Variants in CDKAL1 observed in about 807,000 individuals in gnomAD.
CDKAL1 encodes threonylcarbamoyladenosine tRNA methylthiotransferase.
A neutral mutation model predicts 68.2 loss-of-function variants in CDKAL1; 32 were observed. The ratio of observed to expected loss-of-function variants is 0.47; its 90% CI spans 0.35 to 0.63. The LOEUF is 0.63. Among genes scored for constraint, CDKAL1 ranks in the 30% least tolerant of loss-of-function variants. The pLI is 0.00. For missense variants in CDKAL1, 606 were observed against 696.7 expected (o/e 0.87, Z 1.47); for synonymous variants, 234 against 244.3 (o/e 0.96, Z 0.39).
rs71559677 is a variant in CDKAL1, at chr6:20,613,249, C to CTTTTTTTTTTTTTT, written c.287-36014_287-36001dup. 2.4e-4 allele frequency among the ~76,000 whole-genome samples: 19 copies of CTTTTTTTTTTTTTT among 77,864 alleles called. 3 individuals are homozygous for CTTTTTTTTTTTTTT. Among genetic ancestry groups the CTTTTTTTTTTTTTT allele is most frequent in the South Asian group, 8.4e-4 (2 of 2,390 alleles). 51.1% of individuals were successfully genotyped at this position (77,864 alleles called of 152,430 possible). A position where few individuals can be genotyped will look rare whatever the true frequency, so the allele number is the denominator to read the frequency against. On this transcript the variant is annotated intron_variant, in intron 4 of 15. Coordinates refer to ENST00000274695, the MANE Select transcript of CDKAL1 (RefSeq NM_017774.3). ...TATCAGTTCATCACAAAATTTCTTT[C>CTTTTTTTTTTTTTT]TTTTTTTTTTTTTTTTTTTTTTTTT...
intron 8 of CDKAL1, among the ~76,000 whole-genome samples, chr6:20,832,842 G>A (rs573169396): frequency 2.0e-5 from 3 of 152,304 alleles, no homozygotes; most frequent in Admixed American, 6.5e-5. Context: ...AAGGTAAGAA[G>A]TATACCTTAA....
chr6:20,919,377 C>T (rs986717568), intron 9 of CDKAL1, among the ~76,000 whole-genome samples: 3 of 152,074 alleles, frequency 2.0e-5, no homozygotes, highest in Admixed American at 2.0e-4. Flanking sequence ...ATGAAGACTG[C>T]TCATTTTGTT....
intron 11 of CDKAL1, among the ~76,000 whole-genome samples, chr6:21,002,264 A>C (rs1245938216): frequency 1.3e-5 from 2 of 152,208 alleles, no homozygotes; most frequent in Admixed American, 1.3e-4. Flanking sequence ...TAGTTTTTCT[A>C]GAAGTATTCA....
intron 8 of CDKAL1, among the ~76,000 whole-genome samples, chr6:20,789,700 A>C (rs190631394): frequency 1.5e-4 from 23 of 152,326 alleles, no homozygotes; most frequent in African/African-American, 5.5e-4. Context: ...GATAAAAAGC[A>C]AAAATTTAAA....
At chr6:20,717,860 G>C (rs1316056476) in intron 5 of CDKAL1, among the ~76,000 whole-genome samples, 3 of 152,088 alleles carry the variant, frequency 2.0e-5, no homozygotes, top group African/African-American at 7.2e-5. Context: ...TCCCTCTTCT[G>C]GTTCTCTAAT....
chr6:21,179,902 T>A (rs901140356), intron 13 of CDKAL1, among the ~76,000 whole-genome samples: 2 of 152,110 alleles, frequency 1.3e-5, no homozygotes, highest in Non-Finnish European at 2.9e-5. Context: ...GTGCCTGTAG[T>A]CCCAGGTACT....
chr6:21,172,582 T>A (rs1441256724), intron 13 of CDKAL1, among the ~76,000 whole-genome samples: 4 of 152,036 alleles, frequency 2.6e-5, no homozygotes, highest in Non-Finnish European at 2.9e-5. Flanking sequence ...TAGCGAGACT[T>A]CTTCTCTACA....
chr6:20,931,086 C>G (rs1177951180), intron 9 of CDKAL1, among the ~76,000 whole-genome samples: 2 of 152,160 alleles, frequency 1.3e-5, no homozygotes, highest in South Asian at 2.1e-4. Flanking sequence ...GCTCAGAGAC[C>G]AGTAATTAAG....
chr6:20,878,951 C>T (rs968469166), intron 9 of CDKAL1, among the ~76,000 whole-genome samples: 9 of 148,896 alleles, frequency 6.0e-5, no homozygotes, highest in South Asian at 2.2e-4. Context: ...TGGTGGCGGG[C>T]GCCTGTAATC....
At chr6:20,928,427 A>C (rs777357906) in intron 9 of CDKAL1, among the ~76,000 whole-genome samples, 1 of 152,188 alleles carries the variant, frequency 6.6e-6, no homozygotes, top group Non-Finnish European at 1.5e-5. Context: ...GCTCTCAAGG[A>C]TCTGTGAATC....
chr6:21,095,572 A>ACCCCCCCCC (rs1246389469), intron 12 of CDKAL1, among the ~76,000 whole-genome samples: 1 of 142,442 alleles, frequency 7.0e-6, no homozygotes, highest in African/African-American at 2.6e-5. Flanking sequence ...TTTCCCCCCA[A>ACCCCCCCCC]CCCCCCTCCT....
intron 6 of CDKAL1, among the ~76,000 whole-genome samples, 167 bp from the exon 7 acceptor site, chr6:20,758,426 AAC>A (rs1024667860): frequency 1.3e-5 from 2 of 152,210 alleles, no homozygotes; most frequent in African/African-American, 4.8e-5. Context: ...ACTTCATTGA[AAC>A]ACAAAATATT....
intron 8 of CDKAL1, among the ~76,000 whole-genome samples, chr6:20,794,377 A>G (rs996959062): frequency 6.6e-6 from 1 of 152,242 alleles, no homozygotes. Flanking sequence ...AGTGAGCAAC[A>G]GTTTGATTTA....
chr6:20,933,653 T>C (rs1304127035), intron 9 of CDKAL1, among the ~76,000 whole-genome samples: 2 of 152,240 alleles, frequency 1.3e-5, no homozygotes, highest in African/African-American at 2.4e-5. Flanking sequence ...TTGTAACTAA[T>C]TGCTATGTTC....
At chr6:20,651,411 T>C (rs999041429) in intron 5 of CDKAL1, among the ~76,000 whole-genome samples, 1 of 152,230 alleles carries the variant, frequency 6.6e-6, no homozygotes, top group African/African-American at 2.4e-5. Context: ...TTTTATATCC[T>C]GAGAGTTTAC....
At chr6:21,116,586 A>G (rs915128123) in intron 13 of CDKAL1, among the ~76,000 whole-genome samples, 2 of 152,250 alleles carry the variant, frequency 1.3e-5, no homozygotes, top group African/African-American at 4.8e-5. Context: ...ACTGCCTTTT[A>G]TGGACAGGTG....
At chr6:21,009,953 A>G (rs188886022) in intron 11 of CDKAL1, among the ~76,000 whole-genome samples, 1 of 152,322 alleles carries the variant, frequency 6.6e-6, no homozygotes, top group Admixed American at 6.5e-5. Context: ...ATAATTAACA[A>G]CAATTTATTG....
chr6:20,944,649 C>T (rs1012992463), intron 9 of CDKAL1, among the ~76,000 whole-genome samples: 8 of 152,164 alleles, frequency 5.3e-5, no homozygotes, highest in Non-Finnish European at 8.8e-5. Flanking sequence ...CTGGCCTGTC[C>T]TTTTAATTGT....
chr6:20,847,045 C>A (rs942212741), intron 9 of CDKAL1, among the ~76,000 whole-genome samples: 3 of 152,112 alleles, frequency 2.0e-5, no homozygotes, highest in Non-Finnish European at 2.9e-5. Context: ...GTTCCAAATT[C>A]ATTTTTTTGT....
Sources: gnomAD v4.1 joint callset for allele counts (sites outside exome capture counted in the v4.1 genomes callset) on GRCh38, gnomAD v4.1.1 for gene constraint, MANE v1.5 for transcripts, NCBI Gene and HGNC (gene_info 2026-07-23, HGNC 2026-07-21) for gene names.